The following LDLRAD4 variants were observed in gnomAD, a reference collection of about 807,000 sequenced individuals.
LDLRAD4 encodes low density lipoprotein receptor class A domain containing 4.
Under a neutral mutation model 17.0 loss-of-function variants are expected in LDLRAD4, and 5 were observed. That is an observed-to-expected ratio of 0.29 (90% CI 0.15 to 0.62). LDLRAD4 has a LOEUF of 0.62. Ranked by LOEUF, LDLRAD4 falls within the 20% of genes least tolerant of loss-of-function variation. The pLI, the probability that LDLRAD4 is intolerant of heterozygous loss-of-function variation, is 0.84. For missense variants in LDLRAD4, 340 were observed against 424.7 expected, an observed-to-expected ratio of 0.80 and a Z score of 1.75; for synonymous variants, 168 against 171.8, an observed-to-expected ratio of 0.98 and a Z score of 0.17.
At chr18:13,344,383 A>C (rs954466462) in intron 1 of LDLRAD4, among the ~76,000 whole-genome samples, 4 of 152,174 alleles carry the variant, frequency 2.6e-5, no homozygotes, top group African/African-American at 4.8e-5. Context: ...GTCAGAGATC[A>C]GATAGTTGTA....
chr18:13,546,006 C>T (rs528507007), intron 3 of LDLRAD4, among the ~76,000 whole-genome samples: 1 of 152,294 alleles, frequency 6.6e-6, no homozygotes, highest in Admixed American at 6.5e-5. Flanking sequence ...ACTGTGGGAT[C>T]ACAGGCCCAT....
chr18:13,388,036 C>G (rs1382888053), intron 2 of LDLRAD4, among the ~76,000 whole-genome samples: 3 of 152,232 alleles, frequency 2.0e-5, no homozygotes, highest in African/African-American at 7.2e-5. Flanking sequence ...TTCGCAGCGT[C>G]TTCCAAGTCT....
intron 1 of LDLRAD4, among the ~76,000 whole-genome samples, chr18:13,292,948 C>G (rs760309108): frequency 7.2e-5 from 11 of 152,216 alleles, no homozygotes; most frequent in Non-Finnish European, 5.9e-5. Flanking sequence ...GCGGATTCCA[C>G]GAGTTCAGCG....
intron 1 of LDLRAD4, among the ~76,000 whole-genome samples, chr18:13,377,417 CT>C (rs1199267770): frequency 6.6e-6 from 1 of 152,128 alleles, no homozygotes; most frequent in Non-Finnish European, 1.5e-5. Flanking sequence ...TAGAGGTTAT[CT>C]TTTTTTAGCT....
Position 13,532,554 on chromosome 18 carries a change from T to C in LDLRAD4, c.182-88563T>C, listed in dbSNP as rs80112336. The stretch of plus-strand genomic sequence containing the variant: ...GGGAGGCGGAGGAGTGGGATAGCTT[T>C]TGATTGAGGGCATTGACATTTGTCT... On this transcript the variant is annotated intron_variant, in intron 3 of 5. Coordinates refer to ENST00000359446, the Ensembl canonical transcript of LDLRAD4. Among the ~76,000 whole-genome samples the C allele has an allele frequency of 9.3e-3, 1,416 of 152,250 alleles. 28 individuals carry two copies. The highest frequency in any genetic ancestry group is 0.033 in the African/African-American group (1,363 of 41,528).
At chr18:13,284,514 G>C (rs1044073720) in intron 1 of LDLRAD4, among the ~76,000 whole-genome samples, 2 of 152,160 alleles carry the variant, frequency 1.3e-5, no homozygotes, top group African/African-American at 4.8e-5. Flanking sequence ...AAAATTTTGT[G>C]GGGGAGGCCA....
At chr18:13,593,595 A>G (rs1282365775) in intron 3 of LDLRAD4, among the ~76,000 whole-genome samples, 3 of 152,076 alleles carry the variant, frequency 2.0e-5, no homozygotes, top group African/African-American at 7.2e-5. Context: ...CCATCCATCC[A>G]TCCATCCATC....
chr18:13,228,205 T>TG (rs915850073), intron 1 of LDLRAD4, among the ~76,000 whole-genome samples: 1 of 152,046 alleles, frequency 6.6e-6, no homozygotes, highest in African/African-American at 2.4e-5. Context: ...GGAGTGGAGA[T>TG]GGAGTGTGCT....
chr18:13,344,459 A>G (rs1020921364), intron 1 of LDLRAD4, among the ~76,000 whole-genome samples: 1 of 152,226 alleles, frequency 6.6e-6, no homozygotes, highest in Non-Finnish European at 1.5e-5. Flanking sequence ...TTTTGGTACC[A>G]GTACCATGCT....
intron 3 of LDLRAD4, among the ~76,000 whole-genome samples, chr18:13,483,843 C>A (rs993265133): frequency 3.8e-4 from 58 of 152,168 alleles, no homozygotes; most frequent in African/African-American, 1.0e-3. Context: ...TCCGTCTGTT[C>A]TGAGCCCCTC....
intron 3 of LDLRAD4, among the ~76,000 whole-genome samples, chr18:13,568,885 G>A (rs188386712): frequency 1.9e-3 from 294 of 152,244 alleles, no homozygotes; most frequent in South Asian, 2.9e-3. Flanking sequence ...TAGTCAGCAT[G>A]GTCATCTTGA....
chr18:13,330,348 G>T (rs192435433), intron 1 of LDLRAD4, among the ~76,000 whole-genome samples: 28 of 152,158 alleles, frequency 1.8e-4, no homozygotes, highest in Non-Finnish European at 2.2e-4. Flanking sequence ...CAAAAATGTG[G>T]TATTTTTTAT....
At chr18:13,264,623 G>A (rs1353169142) in intron 1 of LDLRAD4, among the ~76,000 whole-genome samples, 2 of 152,244 alleles carry the variant, frequency 1.3e-5, no homozygotes, top group Non-Finnish European at 2.9e-5. Flanking sequence ...CTTCCCATGT[G>A]GGACTGCCAT....
chr18:13,461,267 TGG>T (rs1187915198), intron 3 of LDLRAD4: 8 of 152,370 alleles, frequency 5.3e-5, no homozygotes, highest in African/African-American at 1.7e-4. Flanking sequence ...CCGATAGCCT[TGG>T]GGACTGCATG....
At chr18:13,219,694 T>G (rs2041346009) in intron 1 of LDLRAD4, among the ~76,000 whole-genome samples, 1 of 152,226 alleles carries the variant, frequency 6.6e-6, no homozygotes, top group Non-Finnish European at 1.5e-5. Context: ...TGGTGCCTTC[T>G]CGAAGGGCTA....
intron 4 of LDLRAD4, among the ~76,000 whole-genome samples, chr18:13,637,103 T>A (rs1360006993): frequency 1.3e-5 from 2 of 151,992 alleles, no homozygotes; most frequent in Non-Finnish European, 2.9e-5. Flanking sequence ...TGGCCTAAAG[T>A]TTTTTTTGTT....
chr18:13,342,850 A>G (rs191659064), intron 1 of LDLRAD4, among the ~76,000 whole-genome samples: 11 of 152,080 alleles, frequency 7.2e-5, no homozygotes, highest in Admixed American at 7.2e-4. Flanking sequence ...TATATTTAAT[A>G]TAATTACGGA....
At chr18:13,360,005 T>A (rs1425127843) in intron 1 of LDLRAD4, among the ~76,000 whole-genome samples, 1 of 152,212 alleles carries the variant, frequency 6.6e-6, no homozygotes. Flanking sequence ...GTGACTGAGG[T>A]GTTTTCAACT....
At position 13,564,457 on chromosome 18, in the gene LDLRAD4, G is replaced by T. The variant is rs1051471396; in HGVS notation, c.182-56660G>T. ...CCAGGCCTCAGGGTGGGGCTTGCTT[G>T]TCTTTCCCCTCTGCTAAGACCTGCA... is the stretch of plus-strand genomic sequence containing the variant. On this transcript the variant is annotated intron_variant, in intron 3 of 5. Coordinates refer to ENST00000359446, the Ensembl canonical transcript of LDLRAD4. Among the ~76,000 whole-genome samples the T allele has an allele frequency of 2.6e-5, 4 of 151,980 alleles. No individual in the cohort carries two copies. In the South Asian group the frequency reaches 6.2e-4, roughly 24 times the overall value.
Sources: gnomAD v4.1 joint callset for allele counts (sites outside exome capture counted in the v4.1 genomes callset) on GRCh38, gnomAD v4.1.1 for gene constraint, MANE v1.5 for transcripts, NCBI Gene and HGNC (gene_info 2026-07-23, HGNC 2026-07-21) for gene names.